FLNB: variants seen among roughly 807,000 people sequenced by gnomAD.
FLNB encodes filamin B, also known as filamin-B.
FLNB carries 111 observed loss-of-function variants against 250.6 expected under a neutral mutation model. That is an observed-to-expected ratio of 0.44 (90% CI 0.38 to 0.52). FLNB has a LOEUF of 0.52. Among genes scored for constraint, FLNB ranks in the 20% least tolerant of loss-of-function variants. FLNB has a pLI of 0.00. For missense variants in FLNB, 2,869 were observed against 3,447.8 expected (o/e 0.83, Z 4.20); for synonymous variants, 1,302 against 1,372.1 (o/e 0.95, Z 1.13).
At chr3:58,063,087 C>T (rs1356443143) in intron 1 of FLNB, among the ~76,000 whole-genome samples, 1 of 152,152 alleles carries the variant, frequency 6.6e-6, no homozygotes, top group African/African-American at 2.4e-5. Flanking sequence ...AGGGAATCGA[C>T]CCACTCATGG....
chr3:58,015,905 A>G (rs930221812), intron 1 of FLNB, among the ~76,000 whole-genome samples: 1 of 152,174 alleles, frequency 6.6e-6, no homozygotes, highest in Non-Finnish European at 1.5e-5. Context: ...TAGGCAGGCA[A>G]ACAGACATTT....
Position 58,149,799 on chromosome 3 carries a change from C to T in FLNB, c.6092-51C>T, listed in dbSNP as rs960464401. The T allele has an allele frequency of 6.2e-6, 10 of 1,611,852 alleles. No homozygotes were observed. In the Middle Eastern group the frequency reaches 5.0e-4, roughly 80 times the overall value. ...TGTCCTTTCTCCATTCATCAGGCTC[C>T]CTCTTCCTGAGGAGCTGCTGTCAGA... is the stretch of plus-strand genomic sequence containing the variant. On this transcript the variant is annotated intron_variant, in intron 36 of 45. Coordinates refer to ENST00000295956, the MANE Select transcript of FLNB (RefSeq NM_001457.4).
chr3:58,054,991 G>C (rs1290565769), intron 1 of FLNB, among the ~76,000 whole-genome samples: 2 of 152,192 alleles, frequency 1.3e-5, no homozygotes, highest in African/African-American at 4.8e-5. Flanking sequence ...TCCAGGCCAG[G>C]CATGGTGGCT....
intron 25 of FLNB, chr3:58,131,828 T>A (rs1048511081): frequency 2.6e-6 from 2 of 782,996 alleles, no homozygotes; most frequent in Non-Finnish European, 4.3e-6. Context: ...TCCCTGTGTA[T>A]GTGTGAATGA....
chr3:58,148,184 CT>C, intron 34 of FLNB, 21 bp from the exon 35 acceptor site: 2 of 1,614,062 alleles, frequency 1.2e-6, no homozygotes, highest in South Asian at 2.2e-5. Context: ...AACGGGAGTC[CT>C]TTTTGGGGGA....
At chr3:58,037,172 C>T (rs1205019920) in intron 1 of FLNB, among the ~76,000 whole-genome samples, 1 of 145,780 alleles carries the variant, frequency 6.9e-6, no homozygotes, top group Non-Finnish European at 1.5e-5. Context: ...TCAAGCAATT[C>T]TCCTGCCTCA....
At chr3:58,073,059 GA>G (rs2097196907) in intron 1 of FLNB, among the ~76,000 whole-genome samples, 1 of 152,160 alleles carries the variant, frequency 6.6e-6, no homozygotes, top group Non-Finnish European at 1.5e-5. Context: ...GGCCGGATGA[GA>G]CTTCATAGCT....
chr3:58,047,853 C>T (rs1203528347), intron 1 of FLNB, among the ~76,000 whole-genome samples: 2 of 152,096 alleles, frequency 1.3e-5, no homozygotes, highest in African/African-American at 2.4e-5. Flanking sequence ...AGTGAGCCAC[C>T]ATGCCTGGCC....
At chr3:58,106,222 G>A (rs943827451) in intron 11 of FLNB, among the ~76,000 whole-genome samples, 32 of 152,124 alleles carry the variant, frequency 2.1e-4, no homozygotes, top group African/African-American at 7.2e-4. Context: ...CCCAGAAGTG[G>A]ATTTGGTGGT....
chr3:58,152,733 C>T (rs1342950585), intron 38 of FLNB: 22 of 1,338,120 alleles, frequency 1.6e-5, no homozygotes, highest in Non-Finnish European at 2.1e-5. Flanking sequence ...ACTGCTCTGC[C>T]CAGATCCTGT....
intron 3 of FLNB, among the ~76,000 whole-genome samples, chr3:58,079,759 G>A (rs1160394375): frequency 6.6e-6 from 1 of 152,160 alleles, no homozygotes; most frequent in South Asian, 2.1e-4. Context: ...TTTCTTTCCA[G>A]AAACTCCCTC....
At position 58,136,746 on chromosome 3, in the gene FLNB, C is replaced by CTTTTTTTTTTTTTTTTTT. The variant is rs57053256; in HGVS notation, c.4861+584_4861+601dup. ...CAACTATTGACTGTCACAGGCCATT[C>CTTTTTTTTTTTTTTTTTT]TTTTTTTTTTTTTTTTTTTTTTTGA... On this transcript the variant is annotated intron_variant, in intron 28 of 45. Coordinates refer to ENST00000295956, the MANE Select transcript of FLNB (RefSeq NM_001457.4). Among the ~76,000 whole-genome samples the CTTTTTTTTTTTTTTTTTT allele has an allele frequency of 5.0e-5, 4 of 79,798 alleles. 1 individual carries two copies. Among genetic ancestry groups the CTTTTTTTTTTTTTTTTTT allele is most frequent in the East Asian group, 9.5e-4 (2 of 2,116 alleles). 52.4% of individuals were successfully genotyped at this position (79,798 alleles called of 152,430 possible). A position where few individuals can be genotyped will look rare whatever the true frequency, so the allele number is the denominator to read the frequency against.
chr3:58,063,097 G>A (rs981309672), intron 1 of FLNB, among the ~76,000 whole-genome samples: 1 of 152,168 alleles, frequency 6.6e-6, no homozygotes, highest in Admixed American at 6.5e-5. Flanking sequence ...CCCACTCATG[G>A]TCACACAGCT....
At chr3:58,160,359 T>C (rs2097359425) in intron 42 of FLNB, among the ~76,000 whole-genome samples, 1 of 152,210 alleles carries the variant, frequency 6.6e-6, no homozygotes, top group African/African-American at 2.4e-5. Flanking sequence ...TAATCAACTT[T>C]AAAGAGACAG....
chr3:58,135,925 A>T, intron 27 of FLNB, 54 bp from the exon 28 acceptor site: 1 of 1,569,208 alleles, frequency 6.4e-7, no homozygotes. Context: ...GTTTTCCATG[A>T]ATGTTTTCTA....
chr3:58,106,539 T>C (rs2097260101), intron 11 of FLNB, 141 bp from the exon 12 acceptor site: 1 of 748,576 alleles, frequency 1.3e-6, no homozygotes, highest in African/African-American at 1.7e-5. Flanking sequence ...AGCTTGGTTT[T>C]GGAAGAAAGG....
At chr3:58,113,731 T>A (rs1238940331) in intron 18 of FLNB, among the ~76,000 whole-genome samples, 1 of 152,238 alleles carries the variant, frequency 6.6e-6, no homozygotes, top group Non-Finnish European at 1.5e-5. Flanking sequence ...CAAGCTGGAG[T>A]GCAGTGGCAT....
intron 22 of FLNB, among the ~76,000 whole-genome samples, chr3:58,124,815 G>A (rs144738561): frequency 1.3e-5 from 2 of 150,314 alleles, no homozygotes; most frequent in African/African-American, 5.0e-5. Flanking sequence ...TTGAGTATTA[G>A]GAATTATAAA....
chr3:58,131,467 T>C (rs2097307276), intron 25 of FLNB, among the ~76,000 whole-genome samples: 1 of 152,202 alleles, frequency 6.6e-6, no homozygotes, highest in African/African-American at 2.4e-5. Context: ...GCGGGCCATA[T>C]AGGGACAAAG....
Sources: gnomAD v4.1 joint callset for allele counts (sites outside exome capture counted in the v4.1 genomes callset) on GRCh38, gnomAD v4.1.1 for gene constraint, MANE v1.5 for transcripts, NCBI Gene and HGNC (gene_info 2026-07-23, HGNC 2026-07-21) for gene names.